DAPK1: variants seen among roughly 807,000 people sequenced by gnomAD.
The protein encoded by DAPK1 is death associated protein kinase 1.
In DAPK1, 56 loss-of-function variants were observed where a neutral mutation model predicts 144.9. The ratio of observed to expected loss-of-function variants is 0.39; its 90% CI spans 0.31 to 0.48. DAPK1 has a LOEUF of 0.48. Among genes scored for constraint, DAPK1 ranks in the 20% least tolerant of loss-of-function variants. The probability of loss-of-function intolerance (pLI) is 0.95; values close to 1 mark genes in which losing one functional copy is unlikely to be tolerated. For synonymous variants in DAPK1, 690 were observed against 749.0 expected, an observed-to-expected ratio of 0.92 and a Z score of 1.29; for missense variants, 1,454 against 1,875.4, an observed-to-expected ratio of 0.78 and a Z score of 4.15.
At chr9:87,539,590 G>C (rs1346402401) in intron 2 of DAPK1, among the ~76,000 whole-genome samples, 1 of 151,460 alleles carries the variant, frequency 6.6e-6, no homozygotes, top group East Asian at 1.9e-4. Context: ...GCTAATTTTT[G>C]TGTTTTTAGT....
At chr9:87,557,475 A>C (rs892717701) in intron 2 of DAPK1, among the ~76,000 whole-genome samples, 1 of 152,336 alleles carries the variant, frequency 6.6e-6, no homozygotes, top group East Asian at 1.9e-4. Context: ...ATGCCGATTA[A>C]GGAATTATGA....
intron 2 of DAPK1, among the ~76,000 whole-genome samples, chr9:87,603,680 G>A (rs1828607098): frequency 6.6e-6 from 1 of 152,082 alleles, no homozygotes; most frequent in Non-Finnish European, 1.5e-5. Context: ...TATCCAGCAG[G>A]TACCAAGAAA....
Position 87,622,500 on chromosome 9 carries a change from A to T in DAPK1, c.285-15443A>T, listed in dbSNP as rs529304689. ...TCATTTTGATGTATTCAGTGGGTAG[A>T]GGGAAGGTAGATTCTCTTCCCTGAA... On this transcript the variant is annotated intron_variant, in intron 3 of 25. Transcript: ENST00000408954. 2.0e-5 allele frequency among the ~76,000 whole-genome samples: 3 copies of T among 152,276 alleles called. No homozygotes were observed. In the East Asian group the frequency reaches 5.8e-4, roughly 29 times the overall value.
rs1005386656 is a variant in DAPK1 at position 87,525,295 on chromosome 9, G to C, written c.62+26156G>C. 9 of 1,604,836 alleles carry C rather than the reference G, an allele frequency of 5.6e-6. No individual in the cohort carries two copies. The Admixed American group carries it at 6.7e-5, about 12-fold the overall frequency. Reference sequence around the variant, plus strand: ...TGCTTTTACCTCGTTGCACTCCTGAGAGCAAGATGGGTCACCAGCAGCTGT... The same window carrying C: ...TGCTTTTACCTCGTTGCACTCCTGACAGCAAGATGGGTCACCAGCAGCTGT... On this transcript the variant is annotated intron_variant, in intron 2 of 25. Transcript: ENST00000408954.
chr9:87,621,998 T>C (rs1017271395), intron 3 of DAPK1, among the ~76,000 whole-genome samples: 2 of 151,546 alleles, frequency 1.3e-5, no homozygotes, highest in African/African-American at 4.9e-5. Flanking sequence ...ATGGAATGAC[T>C]TGGGATGCAC....
At chr9:87,519,560 T>C (rs1825215128) in intron 2 of DAPK1, among the ~76,000 whole-genome samples, 1 of 152,008 alleles carries the variant, frequency 6.6e-6, no homozygotes, top group South Asian at 2.1e-4. Flanking sequence ...GGATTGGGGC[T>C]GTCACGTGAC....
At chr9:87,697,423 T>TC (rs2118027436) in intron 22 of DAPK1, among the ~76,000 whole-genome samples, 1 of 152,364 alleles carries the variant, frequency 6.6e-6, no homozygotes, top group South Asian at 2.1e-4. Flanking sequence ...GCTCAAGTGT[T>TC]CGTGGTATTC....
chr9:87,683,088 T>TATTTATTTA (rs200881918), intron 20 of DAPK1, among the ~76,000 whole-genome samples: 1 of 147,320 alleles, frequency 6.8e-6, no homozygotes, highest in Non-Finnish European at 1.5e-5. Flanking sequence ...TTTATTTATT[T>TATTTATTTA]TTTTTTTTTT....
At chr9:87,551,178 C>T (rs956969628) in intron 2 of DAPK1, among the ~76,000 whole-genome samples, 3 of 150,710 alleles carry the variant, frequency 2.0e-5, no homozygotes, top group Non-Finnish European at 4.4e-5. Flanking sequence ...GGCGGAGTCT[C>T]GCTCTGTCGC....
intron 25 of DAPK1, among the ~76,000 whole-genome samples, chr9:87,704,328 A>C (rs1286854876): frequency 6.6e-6 from 1 of 152,218 alleles, no homozygotes; most frequent in Non-Finnish European, 1.5e-5. Flanking sequence ...GTAGACCAGC[A>C]ACTTTCTAGA....
Position 87,706,637 on chromosome 9 carries a change from A to G in DAPK1, c.3566A>G (p.Asn1189Ser), listed in dbSNP as rs772248268. The G allele has an allele frequency of 6.2e-7, 1 of 1,612,952 alleles. No homozygotes were observed. Among genetic ancestry groups the G allele is most frequent in the Non-Finnish European group, 8.5e-7 (1 of 1,179,730 alleles). The stretch of plus-strand genomic sequence containing the variant: ...GCCGAGCTGCTGGTGCTGCTGGTCA[A>G]CCACGGCCAGGGCATTGAGGTCCAG... ...RGAELLVLLV[N>S]HGQGIEVQVR... Residue 1189 changes from asparagine to serine, a missense_variant, in exon 26 of 26, where the codon AAC (asparagine) becomes AGC (serine). Around this residue, in one of 2 missense-constraint regions of DAPK1, gnomAD observed 1,025 missense variants for 1,237.9 expected, o/e 0.83. Transcript: ENST00000408954. The surrounding 1 kb of genome is among the most constrained non-coding windows in gnomAD (Gnocchi z 9.0).
chr9:87,606,742 C>T (rs1176856813), intron 3 of DAPK1, among the ~76,000 whole-genome samples: 3 of 112,760 alleles, frequency 2.7e-5, no homozygotes, highest in South Asian at 7.1e-4. Context: ...TCCCTCTCTC[C>T]TTCCTTCCTT....
At chr9:87,631,008 T>C (rs774222189) in intron 3 of DAPK1, among the ~76,000 whole-genome samples, 25 of 152,126 alleles carry the variant, frequency 1.6e-4, no homozygotes, top group Non-Finnish European at 3.4e-4. Flanking sequence ...ATGACCTCCT[T>C]ATATCTCTTC....
At chr9:87,632,708 G>A (rs1345292656) in intron 3 of DAPK1, 2 of 979,976 alleles carry the variant, frequency 2.0e-6, no homozygotes, top group Non-Finnish European at 2.4e-6. Flanking sequence ...AGGAAGATGA[G>A]TATACATGTA....
chr9:87,514,573 T>C (rs1040032231), intron 2 of DAPK1, among the ~76,000 whole-genome samples: 2 of 152,248 alleles, frequency 1.3e-5, no homozygotes, highest in African/African-American at 4.8e-5. Flanking sequence ...TTTCTGGTTA[T>C]TGAATTGAGC....
chr9:87,549,660 A>G (rs1481813394), intron 2 of DAPK1, among the ~76,000 whole-genome samples: 2 of 152,332 alleles, frequency 1.3e-5, no homozygotes, highest in South Asian at 2.1e-4. Flanking sequence ...GCACAAAATA[A>G]TGTCCCCTCG....
intron 3 of DAPK1, among the ~76,000 whole-genome samples, chr9:87,630,573 G>A (rs1829641603): frequency 6.6e-6 from 1 of 152,148 alleles, no homozygotes; most frequent in South Asian, 2.1e-4. Context: ...TACATCGGAT[G>A]TTTTGGGGAC....
chr9:87,648,116 G>A (rs1265780860), intron 14 of DAPK1, among the ~76,000 whole-genome samples: 15 of 152,200 alleles, frequency 9.9e-5, no homozygotes, highest in African/African-American at 3.6e-4. Flanking sequence ...TATCTGAGGG[G>A]TAACATTCAT....
At chr9:87,539,150 T>C (rs1474626195) in intron 2 of DAPK1, among the ~76,000 whole-genome samples, 1 of 151,736 alleles carries the variant, frequency 6.6e-6, no homozygotes, top group African/African-American at 2.4e-5. Context: ...ATATATCTTA[T>C]ATACGTAGAC....
Sources: gnomAD v4.1 joint callset for allele counts (sites outside exome capture counted in the v4.1 genomes callset) on GRCh38, gnomAD v4.1.1 for gene constraint, gnomAD v4.1.1 regional missense constraint, Gnocchi (gnomAD v3.1) non-coding constraint, MANE v1.5 for transcripts, NCBI Gene and HGNC (gene_info 2026-07-23, HGNC 2026-07-21) for gene names.